The following ANK3 variants were observed in gnomAD, a reference collection of about 807,000 sequenced individuals.
The protein encoded by ANK3 is ankyrin 3.
Under a neutral mutation model 370.9 loss-of-function variants are expected in ANK3, and 57 were observed. The observed-to-expected ratio is 0.15, with a 90% CI of 0.12 to 0.19. The LOEUF (loss-of-function observed/expected upper bound fraction) is 0.19, where lower values mean the gene tolerates loss of function less well. Ranked by LOEUF, ANK3 falls within the 10% of genes least tolerant of loss-of-function variation. ANK3 has a pLI of 1.00. For missense variants in ANK3, 4,439 were observed against 5,302.1 expected, an observed-to-expected ratio of 0.84 and a Z score of 5.06; for synonymous variants, 1,929 against 1,946.3, an observed-to-expected ratio of 0.99 and a Z score of 0.23.
chr10:60,195,307 C>T (rs1294932788), intron 16 of ANK3, among the ~76,000 whole-genome samples: 1 of 151,560 alleles, frequency 6.6e-6, no homozygotes, highest in Non-Finnish European at 1.5e-5. Context: ...TGGCGTGAAC[C>T]CCGGAGGCGG....
chr10:60,530,854 CCTCCTAATCATTGAAT>C (rs2076590404), intron 2 of ANK3, among the ~76,000 whole-genome samples: 1 of 152,094 alleles, frequency 6.6e-6, no homozygotes, highest in African/African-American at 2.4e-5. Flanking sequence ...CTGGCGTTTG[CCTCCTAATCATTGAAT>C]CTGTGAACAC....
intron 1 of ANK3, among the ~76,000 whole-genome samples, chr10:60,695,401 C>T (rs893325637): frequency 6.6e-6 from 1 of 152,150 alleles, no homozygotes; most frequent in African/African-American, 2.4e-5. Context: ...CCAAGCAGAC[C>T]TAATAGACTT....
intron 7 of ANK3, among the ~76,000 whole-genome samples, chr10:60,237,480 G>T (rs2097351338): frequency 6.6e-6 from 1 of 152,054 alleles, no homozygotes; most frequent in Non-Finnish European, 1.5e-5. Context: ...TCACAAACAG[G>T]CTAAGTTTAG....
chr10:60,539,615 C>G (rs1287528355), intron 2 of ANK3, among the ~76,000 whole-genome samples: 1 of 151,870 alleles, frequency 6.6e-6, no homozygotes, highest in Admixed American at 6.6e-5. Context: ...CTGTTTAAAT[C>G]AAGAGGTAGT....
intron 2 of ANK3, among the ~76,000 whole-genome samples, chr10:60,457,931 C>T (rs995534247): frequency 2.0e-5 from 3 of 152,134 alleles, no homozygotes; most frequent in African/African-American, 2.4e-5. Flanking sequence ...GGCACAATCA[C>T]GGGTCTGTTG....
chr10:60,571,055 G>GTTT (rs35835220), intron 2 of ANK3, among the ~76,000 whole-genome samples: 24,442 of 133,220 alleles, frequency 0.18, 2,616 homozygotes, highest in South Asian at 0.37. Flanking sequence ...AACCTGACAG[G>GTTT]TTTTTTTTTT....
At chr10:60,117,234 G>T (rs181050216) in intron 25 of ANK3, among the ~76,000 whole-genome samples, 23 of 152,278 alleles carry the variant, frequency 1.5e-4, no homozygotes, top group Admixed American at 3.9e-4. Context: ...CCAAGAAAAG[G>T]GAGGGCATGG....
chr10:60,121,934 A>G (rs918308755), intron 25 of ANK3, among the ~76,000 whole-genome samples: 6 of 152,176 alleles, frequency 3.9e-5, no homozygotes, highest in African/African-American at 1.4e-4. Context: ...TGTATTCACA[A>G]AAATTTTAAA....
intron 2 of ANK3, among the ~76,000 whole-genome samples, chr10:60,403,592 A>T (rs2063394806): frequency 6.6e-6 from 1 of 152,136 alleles, no homozygotes; most frequent in Admixed American, 6.5e-5. Context: ...TTATTTATTT[A>T]TTCATTTAAT....
chr10:60,433,012 C>T (rs565674366), intron 2 of ANK3, among the ~76,000 whole-genome samples: 1 of 152,286 alleles, frequency 6.6e-6, no homozygotes, highest in East Asian at 1.9e-4. Flanking sequence ...GAGACCAAGA[C>T]AGTGGGATCA....
intron 2 of ANK3, among the ~76,000 whole-genome samples, chr10:60,540,752 A>C (rs949185085): frequency 6.6e-6 from 1 of 151,854 alleles, no homozygotes; most frequent in Non-Finnish European, 1.5e-5. Flanking sequence ...AGCTGATGAG[A>C]CCTATCACCA....
At chr10:60,115,723 T>C (rs1466706611) in intron 25 of ANK3, among the ~76,000 whole-genome samples, 6 of 151,914 alleles carry the variant, frequency 3.9e-5, no homozygotes, top group Non-Finnish European at 8.8e-5. Context: ...GTTAGAGCCC[T>C]AAATGGAAAA....
intron 2 of ANK3, among the ~76,000 whole-genome samples, chr10:60,410,671 A>G (rs770558306): frequency 1.5e-4 from 23 of 151,224 alleles, no homozygotes; most frequent in South Asian, 4.2e-4. Flanking sequence ...CTCTCACCCA[A>G]TTTTTTTTTC....
At chr10:60,571,055 G>GTTTTTTT (rs35835220) in intron 2 of ANK3, among the ~76,000 whole-genome samples, 2 of 133,548 alleles carry the variant, frequency 1.5e-5, no homozygotes, top group South Asian at 2.4e-4. Context: ...AACCTGACAG[G>GTTTTTTT]TTTTTTTTTT....
At chr10:60,089,503 GTGTGTA>G (rs1349874588) in intron 28 of ANK3, among the ~76,000 whole-genome samples, 5 of 127,420 alleles carry the variant, frequency 3.9e-5, no homozygotes, top group African/African-American at 1.1e-4. Flanking sequence ...GTGTGTGTGT[GTGTGTA>G]TGTATGTGTG....
At chr10:60,293,456 A>G (rs2041887106) in intron 1 of ANK3, among the ~76,000 whole-genome samples, 1 of 152,222 alleles carries the variant, frequency 6.6e-6, no homozygotes, top group Admixed American at 6.5e-5. Context: ...TACACATCTT[A>G]TATTTTGGGG....
chr10:60,712,172 C>T (rs1206437308), intron 1 of ANK3, among the ~76,000 whole-genome samples: 1 of 149,538 alleles, frequency 6.7e-6, no homozygotes, highest in East Asian at 1.9e-4. Context: ...ATAGTGAGAC[C>T]CCCCCAGTCT....
chr10:60,373,842 G>A (rs937030204), intron 1 of ANK3, among the ~76,000 whole-genome samples: 1 of 151,952 alleles, frequency 6.6e-6, no homozygotes, highest in Non-Finnish European at 1.5e-5. Context: ...TTCAGTCCTG[G>A]GCAAACCAGG....
At chr10:60,550,167 A>T (rs1264934435) in intron 2 of ANK3, among the ~76,000 whole-genome samples, 2 of 152,024 alleles carry the variant, frequency 1.3e-5, no homozygotes, top group Non-Finnish European at 2.9e-5. Flanking sequence ...TTAAAACATG[A>T]TAAAAATATG....
Sources: allele counts gnomAD v4.1 joint callset (sites outside exome capture counted in the v4.1 genomes callset), GRCh38; gene constraint gnomAD v4.1.1; transcripts MANE v1.5; gene names NCBI Gene and HGNC (gene_info 2026-07-23, HGNC 2026-07-21).